Variants in GOLGA8B observed in about 807,000 individuals in gnomAD.
GOLGA8B encodes the protein golgin A8 family member B.
A neutral mutation model predicts 15.6 loss-of-function variants in GOLGA8B; 1 was observed. That is an observed-to-expected ratio of 0.06 (90% CI 0.02 to 0.30). The LOEUF is 0.30. GOLGA8B is among the 10% of genes least tolerant of loss of function. GOLGA8B has a pLI of 1.00. For synonymous variants in GOLGA8B, 9 were observed against 80.3 expected (o/e 0.11, Z 4.75); for missense variants, 17 against 201.3 (o/e 0.08, Z 5.54).
At position 34,525,347 on chromosome 15, in the gene GOLGA8B, T is replaced by C. The variant is rs1040456718; in HGVS notation, c.*2285A>G. 3 of 149,916 alleles carry C rather than the reference T, an allele frequency of 2.0e-5. No individual in the cohort carries two copies. The highest frequency in any genetic ancestry group is 7.4e-5 in the African/African-American group (3 of 40,512). The allele number at this position is 149,916 out of a possible 1,614,324, so 9.3% of individuals were successfully genotyped here. ...ACACCAGCAGTCAATAATGCCACTT[T>C]AGGCAAAAGTCTTTCAGTATTTCTG... On this transcript the variant is annotated 3_prime_UTR_variant, in exon 24 of 24. Transcript: ENST00000683415.
intron 1 of GOLGA8B, among the ~76,000 whole-genome samples, chr15:34,575,541 C>A (rs200003600): frequency 6.6e-6 from 1 of 151,776 alleles, no homozygotes; most frequent in Non-Finnish European, 1.5e-5. Context: ...GGAACTGCCC[C>A]CCAACCCCCA....
intron 1 of GOLGA8B, among the ~76,000 whole-genome samples, chr15:34,570,803 G>A (rs1397963627): frequency 9.6e-6 from 1 of 103,828 alleles, no homozygotes; most frequent in Non-Finnish European, 2.1e-5. Context: ...AGGAGGGGAT[G>A]ATCCCAGTGA....
rs577387598 is a variant in GOLGA8B at position 34,561,366 on chromosome 15, CAAT to C, written c.-1122-7413_-1122-7411del. On this transcript the variant is annotated intron_variant, in intron 1 of 23. Coordinates refer to ENST00000683415, the MANE Select transcript of GOLGA8B (RefSeq NM_001023567.5). ...GTGTACAATTCAGTGGCATTTAGTA[CAAT>C]GTTGTGCAACCACCTCTGATATTTA... Among the ~76,000 whole-genome samples the C allele has an allele frequency of 2.1e-3, 312 of 150,772 alleles. 2 individuals carry two copies. The highest frequency in any genetic ancestry group is 7.4e-3 in the African/African-American group (299 of 40,512).
intron 1 of GOLGA8B, chr15:34,566,312 AG>A (rs1300314697): frequency 7.0e-6 from 1 of 142,558 alleles, no homozygotes. Context: ...TCATACACGT[AG>A]AAGTATTTCA....
chr15:34,581,752 C>T (rs1326357758), intron 1 of GOLGA8B, among the ~76,000 whole-genome samples: 2 of 152,152 alleles, frequency 1.3e-5, no homozygotes, highest in Non-Finnish European at 2.9e-5. Context: ...CACACTCACA[C>T]TCCGTGGGAC....
At chr15:34,543,611 C>T (rs1407390337) in intron 7 of GOLGA8B, among the ~76,000 whole-genome samples, 1 of 104,056 alleles carries the variant, frequency 9.6e-6, no homozygotes, top group African/African-American at 4.4e-5. Flanking sequence ...TTTTATGAGT[C>T]CATCTTTTTC....
chr15:34,563,978 G>A (rs200557720), intron 1 of GOLGA8B, among the ~76,000 whole-genome samples: 9,337 of 130,474 alleles, frequency 0.072, 57 homozygotes, highest in South Asian at 0.18. Context: ...GGGCTGACTT[G>A]GGAAGCTTAC....
intron 1 of GOLGA8B, among the ~76,000 whole-genome samples, chr15:34,573,568 C>T (rs987947454): frequency 6.7e-6 from 1 of 148,464 alleles, no homozygotes; most frequent in African/African-American, 2.5e-5. Flanking sequence ...AAAAAATTCA[C>T]CAGAAGTTCC....
chr15:34,548,640 AAGG>A (rs1312414476), intron 4 of GOLGA8B, among the ~76,000 whole-genome samples: 2 of 117,820 alleles, frequency 1.7e-5, no homozygotes, highest in African/African-American at 6.8e-5. Flanking sequence ...CAAGCAGTTC[AAGG>A]AGAACAATTT....
chr15:34,558,183 C>CA (rs1888541950), intron 1 of GOLGA8B, among the ~76,000 whole-genome samples: 1 of 59,390 alleles, frequency 1.7e-5, no homozygotes, highest in Non-Finnish European at 3.5e-5. Flanking sequence ...GGGCTAGGCT[C>CA]ATAGAAGCTG....
At position 34,569,733 on chromosome 15, in the gene GOLGA8B, A is replaced by G. The variant is rs1269632297; in HGVS notation, c.-1123+13783T>C. 2.0e-5 allele frequency among the ~76,000 whole-genome samples: 3 copies of G among 151,402 alleles called. No homozygotes were observed. The Admixed American group carries it at 2.0e-4, about 10-fold the overall frequency. On this transcript the variant is annotated intron_variant, in intron 1 of 23. Coordinates refer to ENST00000683415, the MANE Select transcript of GOLGA8B (RefSeq NM_001023567.5). ...GTAAAAAGTCTATGATGTGCAAAATAACAAAATCTAACCTAGCAGTAGCCA... is the reference window on the plus strand; with the variant it reads ...GTAAAAAGTCTATGATGTGCAAAATGACAAAATCTAACCTAGCAGTAGCCA...
chr15:34,567,512 G>A (rs1165613660), intron 1 of GOLGA8B, among the ~76,000 whole-genome samples: 1 of 151,728 alleles, frequency 6.6e-6, no homozygotes, highest in Non-Finnish European at 1.5e-5. Flanking sequence ...ATCGGCTATT[G>A]TGAGAAGAGT....
intron 1 of GOLGA8B, chr15:34,574,741 G>A (rs959910888): frequency 2.6e-5 from 4 of 152,302 alleles, no homozygotes; most frequent in East Asian, 1.9e-4. Context: ...TGGGCCTCAC[G>A]GGAGGGAATA....
rs1888284675 is a variant in GOLGA8B at position 34,545,394 on chromosome 15, T to G, written c.-494A>C. 1 of 150,686 alleles carries G rather than the reference T, an allele frequency of 6.6e-6. No individual in the cohort carries two copies. The highest frequency in any genetic ancestry group is 7.5e-5 in the Admixed American group (1 of 13,350). The allele number at this position is 150,686 out of a possible 1,614,324, so 9.3% of individuals were successfully genotyped here. A position where few individuals can be genotyped will look rare whatever the true frequency, so the allele number is the denominator to read the frequency against. On this transcript the variant is annotated 5_prime_UTR_variant, in exon 6 of 24. It removes the in-frame stop codon of an upstream open reading frame in the 5' UTR. Coordinates refer to ENST00000683415, the MANE Select transcript of GOLGA8B (RefSeq NM_001023567.5). ...AATAATCACCTGTTTTGTGAGAAGT[T>G]CAGTACGTAATGCTCCTCCACACAA...
At chr15:34,564,768 C>A (rs906484341) in intron 1 of GOLGA8B, among the ~76,000 whole-genome samples, 5 of 143,514 alleles carry the variant, frequency 3.5e-5, no homozygotes, top group Admixed American at 3.4e-4. Flanking sequence ...CAGCTTTGAG[C>A]TGGCAAGGCT....
intron 1 of GOLGA8B, among the ~76,000 whole-genome samples, chr15:34,579,408 G>C (rs3964611): frequency 0.36 from 55,352 of 151,794 alleles, 10,520 homozygotes; most frequent in Admixed American, 0.45. Flanking sequence ...TCTGGGCGTG[G>C]GGGTGCCTCC....
chr15:34,564,149 G>A (rs911398726), intron 1 of GOLGA8B, among the ~76,000 whole-genome samples: 3 of 144,638 alleles, frequency 2.1e-5, no homozygotes, highest in East Asian at 1.9e-4. Flanking sequence ...TTGGGTAGAG[G>A]GGGTGTTACT....
At chr15:34,564,364 A>T (rs1336233160) in intron 1 of GOLGA8B, among the ~76,000 whole-genome samples, 2 of 151,384 alleles carry the variant, frequency 1.3e-5, no homozygotes, top group Non-Finnish European at 2.9e-5. Context: ...TTAAAAAAAA[A>T]AAAAAAAAAA....
intron 1 of GOLGA8B, among the ~76,000 whole-genome samples, chr15:34,569,195 C>G (rs1307710832): frequency 6.8e-6 from 1 of 146,636 alleles, no homozygotes; most frequent in Non-Finnish European, 1.5e-5. Flanking sequence ...ACTGTTCCAC[C>G]TCTTCCACTT....
Sources: allele counts gnomAD v4.1 joint callset (sites outside exome capture counted in the v4.1 genomes callset), GRCh38; gene constraint gnomAD v4.1.1; transcripts MANE v1.5; gene names NCBI Gene and HGNC (gene_info 2026-07-23, HGNC 2026-07-21).